Variants in CCDC186 observed in about 807,000 individuals in gnomAD.
The protein encoded by CCDC186 is coiled-coil domain-containing protein 186.
A neutral mutation model predicts 113.7 loss-of-function variants in CCDC186; 49 were observed. The observed-to-expected ratio is 0.43, with a 90% CI of 0.34 to 0.55. CCDC186 has a LOEUF of 0.55. CCDC186 is among the 20% of genes least tolerant of loss of function. The pLI is 0.02. For synonymous variants in CCDC186, 355 were observed against 345.8 expected (o/e 1.03, Z -0.30); for missense variants, 890 against 1,011.1 (o/e 0.88, Z 1.62).
rs1257954100 is a variant in CCDC186 at position 114,154,845 on chromosome 10, G to A, written c.759+2709C>T. 2.0e-5 allele frequency among the ~76,000 whole-genome samples: 3 copies of A among 152,104 alleles called. No homozygotes were observed. In the East Asian group the frequency reaches 5.8e-4, roughly 29 times the overall value. On this transcript the variant is annotated intron_variant, in intron 3 of 15. Transcript: ENST00000369287. ...CCCATGTCCATCAACTGATGAAGGG[G>A]TAAACAAAATATTAAAACATCAAAT...
chr10:114,156,421 T>C (rs1195054715), intron 3 of CCDC186, among the ~76,000 whole-genome samples: 2 of 152,200 alleles, frequency 1.3e-5, no homozygotes, highest in African/African-American at 4.8e-5. Context: ...TCAGAGGAGT[T>C]CATTTAAAAA....
Position 114,122,538 on chromosome 10 carries a change from C to G in CCDC186, c.*2605G>C, listed in dbSNP as rs1202525180. The G allele has an allele frequency of 6.6e-6, 1 of 152,066 alleles. No individual in the cohort carries two copies. The highest frequency in any genetic ancestry group is 2.4e-5 in the African/African-American group (1 of 41,402). The allele number at this position is 152,066 out of a possible 1,614,324, so 9.4% of individuals were successfully genotyped here. A position where few individuals can be genotyped will look rare whatever the true frequency, so the allele number is the denominator to read the frequency against. The stretch of plus-strand genomic sequence containing the variant: ...AATAAACCACAATATTGATACATAA[C>G]CAAAACAGCCTTGATATGTAACAAC... On this transcript the variant is annotated 3_prime_UTR_variant, in exon 16 of 16. Coordinates refer to ENST00000369287, the MANE Select transcript of CCDC186 (RefSeq NM_018017.4).
intron 4 of CCDC186, among the ~76,000 whole-genome samples, chr10:114,149,624 AAAGGG>A (rs2031763257): frequency 5.8e-5 from 1 of 17,102 alleles, no homozygotes; most frequent in African/African-American, 3.0e-4. Context: ...GAAGGGAAGG[AAAGGG>A]AGGGGAGGGG....
chr10:114,128,631 A>G (rs892745535), intron 13 of CCDC186, among the ~76,000 whole-genome samples: 8 of 152,146 alleles, frequency 5.3e-5, no homozygotes, highest in Admixed American at 3.9e-4. Flanking sequence ...CCTACCTCAC[A>G]TGAATTTTTT....
Position 114,151,199 on chromosome 10 carries a change from G to T in CCDC186, c.781C>A (p.Leu261Ile). The T allele has an allele frequency of 6.3e-7, 1 of 1,579,094 alleles. No homozygotes were observed. The highest frequency in any genetic ancestry group is 8.7e-7 in the Non-Finnish European group (1 of 1,150,132). The change falls in exon 4 of 16, where the codon CTT becomes ATT. Residue 261 changes from leucine (L) to isoleucine (I), a missense_variant. Transcript: ENST00000369287. Reference protein sequence around the residue: ...IKQLESRIEELNKEVKASRDQ... With the variant: ...IKQLESRIEEINKEVKASRDQ... ...CTGGAAGCTTTAACTTCTTTATTAA[G>T]TTCTTCTATTCTTGATTCTAACTGT...
Position 114,123,074 on chromosome 10 carries a change from A to G in CCDC186, c.*2069T>C, listed in dbSNP as rs980542653. 6 of 152,546 alleles carry G rather than the reference A, an allele frequency of 3.9e-5. No homozygotes were observed. Among genetic ancestry groups the G allele is most frequent in the African/African-American group, 1.4e-4 (6 of 41,432 alleles). The allele number at this position is 152,546 out of a possible 1,614,324, so 9.4% of individuals were successfully genotyped here. A position where few individuals can be genotyped will look rare whatever the true frequency, so the allele number is the denominator to read the frequency against. On this transcript the variant is annotated 3_prime_UTR_variant, in exon 16 of 16. Transcript: ENST00000369287. ...TTGTGCCTTGGGGAAAAAAATCCAAATATTGTAGTTTATGAACCTGTATCA... is the reference window on the plus strand; with the variant it reads ...TTGTGCCTTGGGGAAAAAAATCCAAGTATTGTAGTTTATGAACCTGTATCA...
rs1398984090 is a variant in CCDC186, at chr10:114,124,424, A to G, written c.*719T>C. The G allele has an allele frequency of 1.3e-5, 2 of 152,196 alleles. No homozygotes were observed. The highest frequency in any genetic ancestry group is 1.5e-5 in the Non-Finnish European group (1 of 68,024). 9.4% of individuals were successfully genotyped at this position (152,196 alleles called of 1,614,324 possible). A position where few individuals can be genotyped will look rare whatever the true frequency, so the allele number is the denominator to read the frequency against. On this transcript the variant is annotated 3_prime_UTR_variant, in exon 16 of 16. Transcript: ENST00000369287. ...AATTTAAAATATAAGTAAACACAGG[A>G]ATTTTCTAAATTAATATGTAATTTA...
intron 10 of CCDC186, among the ~76,000 whole-genome samples, chr10:114,132,602 G>C (rs2031123412): frequency 6.6e-6 from 1 of 152,148 alleles, no homozygotes; most frequent in Non-Finnish European, 1.5e-5. Flanking sequence ...ATTGTACTAT[G>C]AAAACTGCCA....
Position 114,137,262 on chromosome 10 carries a change from G to A in CCDC186, c.1250C>T (p.Thr417Ile). 1 of 1,613,428 alleles carries A rather than the reference G, an allele frequency of 6.2e-7. No homozygotes were observed. Among genetic ancestry groups the A allele is most frequent in the Non-Finnish European group, 8.5e-7 (1 of 1,179,894 alleles). Reference protein sequence around the residue: ...KETKDKLKETTTKLTQAKEEA... With the variant: ...KETKDKLKETITKLTQAKEEA... ...TTCCTTTGCTTGTGTTAATTTTGTT[G>A]TTGTTTCTTTGAGTTTATCTTTGGT... The change falls in exon 7 of 16, where the codon ACA becomes ATA. Residue 417 changes from threonine (T) to isoleucine (I), a missense_variant. Transcript: ENST00000369287.
chr10:114,145,641 T>G lies in CCDC186; in HGVS notation c.1009A>C (p.Arg337=). The G allele has an allele frequency of 6.2e-7, 1 of 1,613,564 alleles. No homozygotes were observed. The highest frequency in any genetic ancestry group is 8.5e-7 in the Non-Finnish European group (1 of 1,179,896). The change falls in exon 5 of 16, where the codon AGA becomes CGA. Residue 337 remains arginine, a synonymous_variant. Coordinates refer to ENST00000369287, the MANE Select transcript of CCDC186 (RefSeq NM_018017.4). The part of the protein sequence containing the change: ...KEKETLEKKL[R]DANKELEKNT... The stretch of plus-strand genomic sequence containing the variant: ...TTCTCAAGTTCCTTATTTGCATCTC[T>G]AAGTTTTTTCTCAAGTGTCTCTTTT...
chr10:114,155,631 C>T (rs1244590511), intron 3 of CCDC186, among the ~76,000 whole-genome samples: 2 of 152,012 alleles, frequency 1.3e-5, no homozygotes, highest in East Asian at 1.9e-4. Context: ...GCCGAGATCG[C>T]GCCATTGCAC....
intron 3 of CCDC186, among the ~76,000 whole-genome samples, chr10:114,152,198 T>C (rs1270126955): frequency 1.3e-5 from 2 of 152,140 alleles, no homozygotes; most frequent in Non-Finnish European, 2.9e-5. Context: ...AAAAATTAGC[T>C]GGGCATGGTG....
chr10:114,131,083 A>G, intron 12 of CCDC186, 64 bp downstream of exon 12: 1 of 1,298,640 alleles, frequency 7.7e-7, no homozygotes, highest in Non-Finnish European at 1.0e-6. Context: ...ATCACAAAAA[A>G]TAAAATCCTA....
At chr10:114,162,257 T>G (rs1007666372) in intron 2 of CCDC186, 7 of 157,630 alleles carry the variant, frequency 4.4e-5, no homozygotes, top group African/African-American at 1.7e-4. Flanking sequence ...TAAATTTTAA[T>G]GTTTTAAACC....
intron 1 of CCDC186, among the ~76,000 whole-genome samples, chr10:114,170,543 A>C (rs2032462790): frequency 6.6e-6 from 1 of 152,138 alleles, no homozygotes; most frequent in Non-Finnish European, 1.5e-5. Flanking sequence ...GGGTGATCTC[A>C]AACTACTGGC....
intron 1 of CCDC186, among the ~76,000 whole-genome samples, chr10:114,164,354 CTCAGGTGA>C (rs748276044): frequency 2.5e-4 from 38 of 151,924 alleles, no homozygotes; most frequent in Admixed American, 9.2e-4. Flanking sequence ...AACTCCTGAC[CTCAGGTGA>C]TCCACCTGCC....
chr10:114,144,427 A>C (rs2031570709), intron 6 of CCDC186, 70 bp downstream of exon 6: 2 of 1,489,606 alleles, frequency 1.3e-6, no homozygotes, highest in Non-Finnish European at 9.0e-7. Flanking sequence ...GTCTCAAAAA[A>C]AAAACAAAAA....
intron 5 of CCDC186, 113 bp downstream of exon 5, chr10:114,145,436 C>T: frequency 4.1e-6 from 4 of 975,950 alleles, no homozygotes; most frequent in Non-Finnish European, 5.7e-6. Context: ...ATAAAAACAA[C>T]TTTACGTTTG....
chr10:114,139,570 A>AAAAAG (rs1158271688), intron 6 of CCDC186, among the ~76,000 whole-genome samples: 7 of 151,888 alleles, frequency 4.6e-5, no homozygotes, highest in Non-Finnish European at 1.0e-4. Context: ...CTCAAAAAAA[A>AAAAAG]AAAAGAAAAG....
Sources: allele counts gnomAD v4.1 joint callset (sites outside exome capture counted in the v4.1 genomes callset), GRCh38; gene constraint gnomAD v4.1.1; transcripts MANE v1.5; gene names NCBI Gene and HGNC (gene_info 2026-07-23, HGNC 2026-07-21).